The following ABCC4 variants were observed in gnomAD, a reference collection of about 807,000 sequenced individuals.
ABCC4 encodes ATP binding cassette subfamily C member 4 (PEL blood group).
ABCC4 carries 102 observed loss-of-function variants against 168.5 expected under a neutral mutation model. The observed-to-expected ratio is 0.61, with a 90% CI of 0.52 to 0.71. The LOEUF (loss-of-function observed/expected upper bound fraction) is 0.71. ABCC4 is among the 30% of genes least tolerant of loss of function. The pLI, the probability that ABCC4 is intolerant of heterozygous loss-of-function variation, is 0.00. For missense variants in ABCC4, 1,402 were observed against 1,605.8 expected, an observed-to-expected ratio of 0.87 and a Z score of 2.17; for synonymous variants, 617 against 590.7, an observed-to-expected ratio of 1.04 and a Z score of -0.65.
chr13:95,175,070 C>T (rs748901350), intron 13 of ABCC4, among the ~76,000 whole-genome samples: 42 of 152,288 alleles, frequency 2.8e-4, no homozygotes, highest in Admixed American at 2.4e-3. Flanking sequence ...ATTTTGCATA[C>T]GCACTCTGGT....
At position 95,178,046 on chromosome 13, in the gene ABCC4, G is replaced by A. The variant is rs367759893; in HGVS notation, c.1591C>T (p.Arg531Trp). 1.2e-5 allele frequency: 20 copies of A among 1,614,038 alleles called. No individual in the cohort carries two copies. The highest frequency in any genetic ancestry group is 4.4e-5 in the South Asian group (4 of 91,086). Residue 531 changes from arginine to tryptophan, a missense_variant, in exon 12 of 31, where the codon CGG (arginine) becomes TGG (tryptophan). This residue lies in a region of ABCC4 where 1,007 missense variants were observed against 1,127.3 expected (regional missense o/e 0.89). Coordinates refer to ENST00000645237, the MANE Select transcript of ABCC4 (RefSeq NM_005845.5). ...EDGDLTVIGD[R>W]GTTLSGGQKA... is the part of the protein sequence containing the mutation. ...TGCCCTCCACTCAGCGTGGTTCCCC[G>A]ATCTCCTATCACAGTCAGATCACCA... is the stretch of plus-strand genomic sequence containing the variant.
chr13:95,203,152 G>C (rs1216966476), intron 8 of ABCC4, among the ~76,000 whole-genome samples: 1 of 152,156 alleles, frequency 6.6e-6, no homozygotes, highest in Non-Finnish European at 1.5e-5. Flanking sequence ...TTGTTACCTA[G>C]TGGGTACTCA....
chr13:95,286,741 G>A (rs1330128756), intron 1 of ABCC4, among the ~76,000 whole-genome samples: 1 of 152,038 alleles, frequency 6.6e-6, no homozygotes, highest in Non-Finnish European at 1.5e-5. Context: ...TGGATCACCT[G>A]AGGTCAGGAG....
At chr13:95,207,713 G>A in intron 7 of ABCC4, 87 bp downstream of exon 7, 1 of 1,430,460 alleles carries the variant, frequency 7.0e-7, no homozygotes, top group Non-Finnish European at 9.5e-7. Flanking sequence ...CCCATAATGT[G>A]AAAACATAGT....
intron 3 of ABCC4, among the ~76,000 whole-genome samples, chr13:95,236,362 T>C (rs1249043273): frequency 6.8e-6 from 1 of 147,088 alleles, no homozygotes; most frequent in Admixed American, 6.9e-5. Flanking sequence ...TTAAGCAATC[T>C]CTCCTTCTTA....
intron 3 of ABCC4, 61 bp downstream of exon 3, chr13:95,246,914 T>G (rs975155020): frequency 1.9e-5 from 29 of 1,567,396 alleles, no homozygotes; most frequent in Non-Finnish European, 2.5e-5. Context: ...CACCAGTCAA[T>G]GGCGAGCACA....
chr13:95,101,932 A>G (rs934198651), intron 20 of ABCC4, among the ~76,000 whole-genome samples: 20 of 152,210 alleles, frequency 1.3e-4, no homozygotes, highest in Non-Finnish European at 2.6e-4. Context: ...TAGTGAGCTT[A>G]GATGTTATGC....
At chr13:95,180,391 TAA>T (rs2037852091) in intron 11 of ABCC4, among the ~76,000 whole-genome samples, 1 of 152,040 alleles carries the variant, frequency 6.6e-6, no homozygotes, top group Admixed American at 6.5e-5. Flanking sequence ...CCGTCTCTAC[TAA>T]ACATACAAAA....
chr13:95,210,454 A>G (rs2038920995), intron 5 of ABCC4, among the ~76,000 whole-genome samples: 1 of 152,164 alleles, frequency 6.6e-6, no homozygotes, highest in African/African-American at 2.4e-5. Flanking sequence ...TGACATGAAA[A>G]TTCAAAAAAA....
intron 1 of ABCC4, among the ~76,000 whole-genome samples, chr13:95,256,008 C>T (rs182299534): frequency 1.3e-5 from 2 of 152,296 alleles, no homozygotes; most frequent in African/African-American, 2.4e-5. Flanking sequence ...GCATGATTAG[C>T]CATCTTAGTC....
chr13:95,034,778 T>C (rs765385261), intron 29 of ABCC4, 39 bp from the exon 30 acceptor site: 1 of 1,612,836 alleles, frequency 6.2e-7, no homozygotes, highest in Admixed American at 1.7e-5. Flanking sequence ...AAACACAATG[T>C]TTTGCAGTAA....
In ABCC4 at chr13:95,277,134, A is replaced by G. The variant is rs998577634; in HGVS notation, c.74+24107T>C. 2.0e-5 allele frequency among the ~76,000 whole-genome samples: 3 copies of G among 152,196 alleles called. No homozygotes were observed. In the East Asian group the frequency reaches 5.8e-4, roughly 29 times the overall value. ...TAGGGAAACAAGAATTATTAACCTC[A>G]TTAATTCAAATTAACTCTTAAGCAC... On this transcript the variant is annotated intron_variant, in intron 1 of 30. Transcript: ENST00000645237.
intron 25 of ABCC4, among the ~76,000 whole-genome samples, chr13:95,066,286 G>C (rs577656883): frequency 2.6e-5 from 4 of 152,064 alleles, no homozygotes; most frequent in African/African-American, 9.7e-5. Flanking sequence ...TTGTCCCCTC[G>C]TGTGGATTTC....
intron 1 of ABCC4, among the ~76,000 whole-genome samples, chr13:95,272,078 CTT>C (rs1288008000): frequency 6.6e-6 from 1 of 150,834 alleles, no homozygotes; most frequent in African/African-American, 2.5e-5. Flanking sequence ...AACTTTCGCT[CTT>C]GTTGCCCAGG....
In ABCC4 at chr13:95,186,836, G is replaced by A. The variant is rs767443394; in HGVS notation, c.1410C>T (p.Ser470=). The change falls in exon 11 of 31, where the codon AGC becomes AGT. Residue 470 remains serine, a synonymous_variant. Transcript: ENST00000645237. ...ACACATAGGCAATTCTTCCATGCAC[G>A]CTGACCAGCCCGTGACTTGGGGCCA... The part of the protein sequence containing the change: ...GELAPSHGLV[S]VHGRIAYVSQ... 2.3e-5 allele frequency: 37 copies of A among 1,613,846 alleles called. No homozygotes were observed. Among genetic ancestry groups the A allele is most frequent in the Admixed American group, 1.7e-4 (10 of 59,972 alleles).
At chr13:95,253,741 C>CA (rs1461676446) in intron 1 of ABCC4, among the ~76,000 whole-genome samples, 69 of 143,772 alleles carry the variant, frequency 4.8e-4, no homozygotes, top group Admixed American at 6.3e-4. Flanking sequence ...GAGACCCCAT[C>CA]AAAAAAAAAA....
At chr13:95,209,954 G>C (rs899590286) in intron 5 of ABCC4, among the ~76,000 whole-genome samples, 8 of 152,212 alleles carry the variant, frequency 5.3e-5, no homozygotes, top group African/African-American at 1.7e-4. Context: ...CTGTACTACA[G>C]TGCCCACCAC....
chr13:95,120,612 A>G (rs959946239), intron 19 of ABCC4, among the ~76,000 whole-genome samples: 2 of 150,740 alleles, frequency 1.3e-5, no homozygotes, highest in African/African-American at 4.9e-5. Flanking sequence ...ATATTCCTGC[A>G]GAGAATTGGA....
chr13:95,071,790 G>A lies in ABCC4; in HGVS notation c.3082C>T (p.Gln1028Ter). ...DLEKEAPWEY[Q>*]KRPPPAWPHE... ...GGCCAGGCTGGTGGTGGGCGTTTCT[G>A]ATATTCCCAAGGTGCTTCTTTTTCA... is the stretch of plus-strand genomic sequence containing the variant. Residue 1028 changes from glutamine to a stop codon, truncating the protein, a stop_gained, in exon 25 of 31, where the codon CAG becomes TAG. Transcript: ENST00000645237. LOFTEE classifies it high-confidence loss of function. The A allele has an allele frequency of 6.2e-7, 1 of 1,606,706 alleles. No individual in the cohort carries two copies. Among genetic ancestry groups the A allele is most frequent in the Admixed American group, 1.7e-5 (1 of 58,774 alleles).
Sources: allele counts gnomAD v4.1 joint callset (sites outside exome capture counted in the v4.1 genomes callset), GRCh38; gene constraint gnomAD v4.1.1; regional missense constraint gnomAD v4.1.1; transcripts MANE v1.5; gene names NCBI Gene and HGNC (gene_info 2026-07-23, HGNC 2026-07-21).